NEMP2: variants seen among roughly 807,000 people sequenced by gnomAD.
NEMP2 encodes the protein UPF0571 transmembrane protein.
Under a neutral mutation model 54.2 loss-of-function variants are expected in NEMP2, and 53 were observed. That is an observed-to-expected ratio of 0.98 (90% CI 0.78 to 1.23). The LOEUF (loss-of-function observed/expected upper bound fraction) is 1.23. Ranked by LOEUF, NEMP2 falls within the 50% of genes most tolerant of loss-of-function variation. The pLI, the probability that NEMP2 is intolerant of heterozygous loss-of-function variation, is 0.00. For missense variants in NEMP2, 455 were observed against 511.3 expected, an observed-to-expected ratio of 0.89 and a Z score of 1.06; for synonymous variants, 197 against 190.3, an observed-to-expected ratio of 1.04 and a Z score of -0.29.
At chr2:190,560,707 GTTAA>G in the NEMP2 span, among the ~76,000 whole-genome samples, 3 of 152,152 alleles carry the variant, frequency 2.0e-5, no homozygotes, top group Non-Finnish European at 4.4e-5. The surrounding 1 kb of genome is among the most constrained non-coding windows in gnomAD (Gnocchi z 5.4). Context: ...ACCAAAAAAT[GTTAA>G]TTAGTCTGTT....
At chr2:190,584,935 G>GAAAGAAAGAAAGAAAGAAAGAAAA in the NEMP2 span, among the ~76,000 whole-genome samples, 1 of 148,536 alleles carries the variant, frequency 6.7e-6, no homozygotes, top group African/African-American at 2.5e-5. The surrounding 1 kb of genome is among the most constrained non-coding windows in gnomAD (Gnocchi z 4.2). Context: ...AAGAAAGAAA[G>GAAAGAAAGAAAGAAAGAAAGAAAA]AAAGAAAGAA....
At chr2:190,474,990 GA>G in the NEMP2 span, among the ~76,000 whole-genome samples, 3 of 152,170 alleles carry the variant, frequency 2.0e-5, no homozygotes, top group African/African-American at 7.2e-5. Context: ...AATAGATGCA[GA>G]AAAGCCTTTG....
At chr2:190,568,580 T>A in the NEMP2 span, among the ~76,000 whole-genome samples, 1 of 152,120 alleles carries the variant, frequency 6.6e-6, no homozygotes. The surrounding 1 kb of genome is among the most constrained non-coding windows in gnomAD (Gnocchi z 4.7). Flanking sequence ...CCCAGCACTT[T>A]GGGAAGCTGA....
At chr2:190,640,403 GTTTA>G in the NEMP2 span, among the ~76,000 whole-genome samples, 1 of 152,026 alleles carries the variant, frequency 6.6e-6, no homozygotes, top group East Asian at 1.9e-4. Flanking sequence ...ATTTGGAACA[GTTTA>G]TTTAAGGAAT....
At chr2:190,567,477 G>T in the NEMP2 span, among the ~76,000 whole-genome samples, 2 of 152,258 alleles carry the variant, frequency 1.3e-5, no homozygotes, top group Non-Finnish European at 2.9e-5. The surrounding 1 kb of genome is among the most constrained non-coding windows in gnomAD (Gnocchi z 4.0). Flanking sequence ...TCATTGAGAT[G>T]TGTCAGACCA....
At chr2:190,633,314 T>C in the NEMP2 span, among the ~76,000 whole-genome samples, 4 of 149,402 alleles carry the variant, frequency 2.7e-5, no homozygotes, top group African/African-American at 7.3e-5. Context: ...ACTTTTCCTT[T>C]TTTTTTTTTT....
chr2:190,511,891 T>G (rs542982175), intron 7 of NEMP2, among the ~76,000 whole-genome samples: 6 of 151,478 alleles, frequency 4.0e-5, no homozygotes, highest in African/African-American at 1.4e-4. Flanking sequence ...TTTTTAAAAA[T>G]ATTTTGAGGT....
At chr2:190,488,670 G>C in the NEMP2 span, 6 of 1,553,398 alleles carry the variant, frequency 3.9e-6, no homozygotes, top group Non-Finnish European at 5.2e-6. The surrounding 1 kb of genome is among the most constrained non-coding windows in gnomAD (Gnocchi z 6.4). Flanking sequence ...TGACACACGC[G>C]GCCATCTGGG....
At chr2:190,619,197 A>T in the NEMP2 span, among the ~76,000 whole-genome samples, 1 of 152,074 alleles carries the variant, frequency 6.6e-6, no homozygotes, top group Non-Finnish European at 1.5e-5. This position sits in a 1 kb window ranked among gnomAD's most constrained non-coding sequence, Gnocchi z 5.5. Flanking sequence ...TGGACAACAT[A>T]GTGAGATTTC....
At chr2:190,547,742 G>GGAGAAC in the NEMP2 span, among the ~76,000 whole-genome samples, 1 of 151,994 alleles carries the variant, frequency 6.6e-6, no homozygotes, top group Non-Finnish European at 1.5e-5. The surrounding 1 kb of genome is among the most constrained non-coding windows in gnomAD (Gnocchi z 6.2). Flanking sequence ...CATCATGTTG[G>GGAGAAC]CCAGGCTAGT....
At chr2:190,475,744 G>A in the NEMP2 span, among the ~76,000 whole-genome samples, 5 of 152,198 alleles carry the variant, frequency 3.3e-5, no homozygotes, top group South Asian at 2.1e-4. Context: ...AAAAGAGCCC[G>A]CATTGCCAAG....
the NEMP2 span, among the ~76,000 whole-genome samples, chr2:190,560,733 C>G: frequency 6.6e-6 from 1 of 152,184 alleles, no homozygotes; most frequent in African/African-American, 2.4e-5. The surrounding 1 kb of genome is among the most constrained non-coding windows in gnomAD (Gnocchi z 5.4). Flanking sequence ...TTTGAAGTGC[C>G]ATCGACTTAT....
chr2:190,633,598 G>GCCA, the NEMP2 span, among the ~76,000 whole-genome samples: 2 of 152,266 alleles, frequency 1.3e-5, no homozygotes, highest in East Asian at 3.9e-4. Context: ...ACAGGCATGA[G>GCCA]CCACTGCGCC....
the NEMP2 span, among the ~76,000 whole-genome samples, chr2:190,431,106 A>G: frequency 7.5e-6 from 1 of 133,808 alleles, no homozygotes; most frequent in Non-Finnish European, 1.6e-5. This position sits in a 1 kb window ranked among gnomAD's most constrained non-coding sequence, Gnocchi z 4.4. Context: ...CATCCCAGAC[A>G]GGGCGGCGGG....
the NEMP2 span, among the ~76,000 whole-genome samples, chr2:190,448,510 A>C: frequency 6.6e-5 from 10 of 152,248 alleles, no homozygotes; most frequent in Admixed American, 3.3e-4. Context: ...TCAATATGCC[A>C]ACATGGAAAG....
the NEMP2 span, among the ~76,000 whole-genome samples, chr2:190,621,648 A>G: frequency 1.3e-5 from 2 of 152,102 alleles, no homozygotes; most frequent in African/African-American, 4.8e-5. Context: ...AAAATTTACT[A>G]CAAAGCTACA....
At chr2:190,618,016 T>C in the NEMP2 span, among the ~76,000 whole-genome samples, 2 of 152,164 alleles carry the variant, frequency 1.3e-5, no homozygotes, top group Non-Finnish European at 2.9e-5. Context: ...TATTATCAAG[T>C]AGCTAAATGG....
the NEMP2 span, among the ~76,000 whole-genome samples, chr2:190,424,161 C>T: frequency 6.6e-6 from 1 of 151,266 alleles, no homozygotes; most frequent in African/African-American, 2.4e-5. The surrounding 1 kb of genome is among the most constrained non-coding windows in gnomAD (Gnocchi z 5.9). Flanking sequence ...ATTAGTTTTT[C>T]CTTTTATGGA....
the NEMP2 span, among the ~76,000 whole-genome samples, chr2:190,574,691 TTTTC>T: frequency 3.0e-4 from 45 of 152,058 alleles, no homozygotes; most frequent in African/African-American, 7.5e-4. Context: ...TCTTTCTTCC[TTTTC>T]TTTCTTTCTT....
Sources: allele counts gnomAD v4.1 joint callset (sites outside exome capture counted in the v4.1 genomes callset), GRCh38; gene constraint gnomAD v4.1.1; non-coding constraint Gnocchi (gnomAD v3.1); transcripts MANE v1.5; gene names NCBI Gene and HGNC (gene_info 2026-07-23, HGNC 2026-07-21).